Variants in CHD6 observed in about 807,000 individuals in gnomAD.
CHD6 encodes chromodomain helicase DNA binding protein 6, also known as ATP-dependent chromatin remodeler CHD6.
CHD6 carries 50 observed loss-of-function variants against 276.9 expected under a neutral mutation model. That is an observed-to-expected ratio of 0.18 (90% CI 0.14 to 0.23). The LOEUF (loss-of-function observed/expected upper bound fraction) is 0.23, where lower values mean the gene tolerates loss of function less well. Ranked by LOEUF, CHD6 falls within the 10% of genes least tolerant of loss-of-function variation. The pLI, the probability that CHD6 is intolerant of heterozygous loss-of-function variation, is 1.00. For synonymous variants in CHD6, 1,173 were observed against 1,229.3 expected (o/e 0.95, Z 0.96); for missense variants, 2,564 against 3,365.8 (o/e 0.76, Z 5.89).
At chr20:41,442,830 CG>C (rs2047940513) in intron 25 of CHD6, among the ~76,000 whole-genome samples, 1 of 152,156 alleles carries the variant, frequency 6.6e-6, no homozygotes, top group Admixed American at 6.5e-5. Flanking sequence ...TGGACTCTGG[CG>C]GGTGCCAAAG....
At chr20:41,583,047 G>GGATA (rs2045557327) in intron 1 of CHD6, among the ~76,000 whole-genome samples, 1 of 152,092 alleles carries the variant, frequency 6.6e-6, no homozygotes. Context: ...TGGCAGAAGG[G>GGATA]GATAGAGGGA....
chr20:41,428,328 G>T (rs748494901), intron 27 of CHD6, among the ~76,000 whole-genome samples: 4 of 152,224 alleles, frequency 2.6e-5, no homozygotes, highest in African/African-American at 9.7e-5. Context: ...TTTAATGTGA[G>T]TGTGTGTGAG....
At position 41,533,297 on chromosome 20, in the gene CHD6, C is replaced by G. The variant is rs544937747; in HGVS notation, c.307G>C (p.Asp103His). Residue 103 changes from aspartate to histidine, a missense_variant, in exon 3 of 37, where the codon GAC becomes CAC. By Grantham distance (81) the Asp-to-His change is moderately conservative (BLOSUM62 -1). Transcript: ENST00000373233. ...KKKRKKKEPGDQEGAAKGSKD... is the reference protein window; with the variant it reads ...KKKRKKKEPGHQEGAAKGSKD... ...CTTCCCTTTGCTGCACCCTCTTGGT[C>G]TCCTGGCTCCTTTTTCTTCCGTTTC... is the stretch of plus-strand genomic sequence containing the variant. 1.2e-6 allele frequency: 2 copies of G among 1,614,086 alleles called. No homozygotes were observed. The highest frequency in any genetic ancestry group is 2.2e-5 in the South Asian group (2 of 91,076).
intron 2 of CHD6, among the ~76,000 whole-genome samples, chr20:41,537,781 T>C (rs1007486010): frequency 1.3e-5 from 2 of 152,150 alleles, no homozygotes; most frequent in African/African-American, 4.8e-5. Flanking sequence ...ACATTGTTGG[T>C]GGGAATATAA....
intron 35 of CHD6, 57 bp from the exon 36 acceptor site, chr20:41,412,320 GAGGC>G: frequency 6.3e-7 from 1 of 1,591,648 alleles, no homozygotes; most frequent in Non-Finnish European, 8.6e-7. Context: ...TTCTTCTGAT[GAGGC>G]TGATGCTTTT....
At chr20:41,484,255 A>G in intron 15 of CHD6, 97 bp downstream of exon 15, 1 of 1,400,346 alleles carries the variant, frequency 7.1e-7, no homozygotes, top group Non-Finnish European at 1.0e-6. Context: ...ACATCCTAGC[A>G]TATAATGAAA....
intron 1 of CHD6, among the ~76,000 whole-genome samples, chr20:41,565,819 G>A (rs2045349323): frequency 6.6e-6 from 1 of 152,202 alleles, no homozygotes; most frequent in African/African-American, 2.4e-5. Context: ...AAATACAACA[G>A]TCTAGAAGTG....
In CHD6 at chr20:41,604,924, G is replaced by C. The variant is rs559199045; in HGVS notation, c.-24+13416C>G. ...CTTGACTGGATCCTAATGGGGGACA[G>C]GGAGTTGGGGGTGGGGAGGCTACAA... On this transcript the variant is annotated intron_variant, in intron 1 of 36. Coordinates refer to ENST00000373233, the MANE Select transcript of CHD6 (RefSeq NM_032221.5). Among the ~76,000 whole-genome samples the C allele has an allele frequency of 2.0e-5, 3 of 152,312 alleles. No homozygotes were observed. The South Asian group carries it at 6.2e-4, about 32-fold the overall frequency.
intron 2 of CHD6, among the ~76,000 whole-genome samples, chr20:41,544,784 T>G (rs2045009652): frequency 6.6e-6 from 1 of 151,246 alleles, no homozygotes; most frequent in Non-Finnish European, 1.5e-5. Context: ...ATCATATTAC[T>G]GTGTATGTAT....
At chr20:41,523,544 A>G (rs561020482) in intron 3 of CHD6, among the ~76,000 whole-genome samples, 1 of 152,324 alleles carries the variant, frequency 6.6e-6, no homozygotes, top group Admixed American at 6.5e-5. Flanking sequence ...AGTTATAACC[A>G]TCAAAGCTTT....
intron 17 of CHD6, among the ~76,000 whole-genome samples, chr20:41,468,645 AATT>A (rs1569111763): frequency 1.3e-5 from 2 of 152,284 alleles, no homozygotes; most frequent in South Asian, 2.1e-4. Context: ...TACATTTACA[AATT>A]ATTACTTTCT....
At chr20:41,610,094 T>G (rs2045871043) in intron 1 of CHD6, among the ~76,000 whole-genome samples, 1 of 152,098 alleles carries the variant, frequency 6.6e-6, no homozygotes, top group South Asian at 2.1e-4. Flanking sequence ...TGACATCAAG[T>G]GATCTGCCCA....
At chr20:41,511,745 G>A (rs1387118771) in intron 5 of CHD6, among the ~76,000 whole-genome samples, 1 of 152,062 alleles carries the variant, frequency 6.6e-6, no homozygotes, top group African/African-American at 2.4e-5. Context: ...GTGCCATTCA[G>A]TTTCTGGGGT....
intron 2 of CHD6, among the ~76,000 whole-genome samples, chr20:41,533,858 T>A (rs2044754860): frequency 6.6e-6 from 1 of 152,160 alleles, no homozygotes; most frequent in Admixed American, 6.5e-5. Context: ...GATCATCTAA[T>A]CTAGCCACCA....
intron 2 of CHD6, among the ~76,000 whole-genome samples, chr20:41,537,672 A>AC (rs2044861810): frequency 6.6e-6 from 1 of 152,238 alleles, no homozygotes. Context: ...ATTCAAGGCC[A>AC]CAACGAGATA....
At chr20:41,534,262 C>T (rs1272720123) in intron 2 of CHD6, among the ~76,000 whole-genome samples, 1 of 152,178 alleles carries the variant, frequency 6.6e-6, no homozygotes, top group Non-Finnish European at 1.5e-5. Flanking sequence ...AGCAGGCTTT[C>T]TAAGAAGACA....
Position 41,572,915 on chromosome 20 carries a change from C to T in CHD6, c.-23-21555G>A, listed in dbSNP as rs372410280. 8.3e-4 allele frequency among the ~76,000 whole-genome samples: 126 copies of T among 152,100 alleles called. 1 individual carries two copies. The highest frequency in any genetic ancestry group is 2.9e-3 in the African/African-American group (121 of 41,498). On this transcript the variant is annotated intron_variant, in intron 1 of 36. Coordinates refer to ENST00000373233, the MANE Select transcript of CHD6 (RefSeq NM_032221.5). ...GACAGTATAATTCTAAAGCTCAAGACCCTTTTTTTTTTTAGACTGAGTCTT... is the reference window on the plus strand; with the variant it reads ...GACAGTATAATTCTAAAGCTCAAGATCCTTTTTTTTTTTAGACTGAGTCTT...
chr20:41,413,641 G>C, intron 34 of CHD6, 126 bp from the exon 35 acceptor site: 1 of 826,414 alleles, frequency 1.2e-6, no homozygotes, highest in South Asian at 2.0e-5. Flanking sequence ...ACTCAGCTGG[G>C]GTGCCTGAAT....
chr20:41,460,367 G>C (rs1200839910), intron 17 of CHD6, among the ~76,000 whole-genome samples: 1 of 152,240 alleles, frequency 6.6e-6, no homozygotes, highest in Non-Finnish European at 1.5e-5. Flanking sequence ...TAATCCCCAA[G>C]AGCATGTGGA....
Sources: gnomAD v4.1 joint callset for allele counts (sites outside exome capture counted in the v4.1 genomes callset) on GRCh38, gnomAD v4.1.1 for gene constraint, MANE v1.5 for transcripts, NCBI Gene and HGNC (gene_info 2026-07-23, HGNC 2026-07-21) for gene names.